The following CLASP1 variants were observed in gnomAD, a reference collection of about 807,000 sequenced individuals.
The protein encoded by CLASP1 is CLIP-associating protein 1.
Under a neutral mutation model 192.3 loss-of-function variants are expected in CLASP1, and 38 were observed. The ratio of observed to expected loss-of-function variants is 0.20; its 90% confidence interval spans 0.15 to 0.26. The LOEUF (loss-of-function observed/expected upper bound fraction) is 0.26, where lower values mean the gene tolerates loss of function less well. Ranked by LOEUF, CLASP1 falls within the 10% of genes least tolerant of loss-of-function variation. The probability of loss-of-function intolerance (pLI) is 1.00; values close to 1 mark genes in which losing one functional copy is unlikely to be tolerated. For synonymous variants in CLASP1, 691 were observed against 712.8 expected, an observed-to-expected ratio of 0.97 and a Z score of 0.49; for missense variants, 1,433 against 1,932.5, an observed-to-expected ratio of 0.74 and a Z score of 4.85.
intron 34 of CLASP1, among the ~76,000 whole-genome samples, chr2:121,371,842 C>T (rs752420490): frequency 5.3e-5 from 8 of 152,154 alleles, no homozygotes; most frequent in Admixed American, 2.0e-4. Flanking sequence ...TCTCCACTGG[C>T]CCTGCTGGGA....
intron 39 of CLASP1, among the ~76,000 whole-genome samples, chr2:121,344,688 G>T (rs1022469553): frequency 1.3e-5 from 2 of 152,104 alleles, no homozygotes; most frequent in Admixed American, 1.3e-4. Flanking sequence ...TGTAACACTG[G>T]AACACAGGGA....
intron 1 of CLASP1, among the ~76,000 whole-genome samples, chr2:121,629,411 A>T (rs1296012943): frequency 6.6e-6 from 1 of 151,998 alleles, no homozygotes; most frequent in Non-Finnish European, 1.5e-5. Context: ...TAAAAAATAA[A>T]AAATAAATAA....
chr2:121,449,330 T>C (rs2118389), intron 16 of CLASP1, among the ~76,000 whole-genome samples: 6,362 of 152,236 alleles, frequency 0.042, 169 homozygotes, highest in East Asian at 0.14. Context: ...AAGTCACTTA[T>C]CCTCTCTCAA....
rs1335225419 is a variant in CLASP1, at chr2:121,515,654, T to A, written c.644+11A>T. On this transcript the variant is annotated intron_variant, in intron 7 of 39. Transcript: ENST00000263710. ...GGGTAGAGCAGAAGAAAGGAAAAAA[T>A]CTGCACTCACCGGGACTGTGGCAAT... is the stretch of plus-strand genomic sequence containing the variant. 1 of 1,611,242 alleles carries A rather than the reference T, an allele frequency of 6.2e-7. No individual in the cohort carries two copies. Among genetic ancestry groups the A allele is most frequent in the East Asian group, 2.2e-5 (1 of 44,864 alleles).
intron 2 of CLASP1, among the ~76,000 whole-genome samples, chr2:121,566,645 T>C (rs2059529295): frequency 6.6e-6 from 1 of 152,240 alleles, no homozygotes. Flanking sequence ...CACAAGCTCA[T>C]GTCTTAAATT....
At chr2:121,624,985 T>C (rs1215817896) in intron 1 of CLASP1, among the ~76,000 whole-genome samples, 1 of 152,222 alleles carries the variant, frequency 6.6e-6, no homozygotes, top group Non-Finnish European at 1.5e-5. Flanking sequence ...TTTCCTTCTG[T>C]TATTGATATC....
At chr2:121,391,919 C>T (rs1226905397) in intron 30 of CLASP1, among the ~76,000 whole-genome samples, 1 of 152,150 alleles carries the variant, frequency 6.6e-6, no homozygotes, top group African/African-American at 2.4e-5. Flanking sequence ...ACAAAAAAGA[C>T]TTGAAAGAGA....
intron 2 of CLASP1, among the ~76,000 whole-genome samples, chr2:121,541,158 G>A (rs905644254): frequency 2.0e-5 from 3 of 152,090 alleles, no homozygotes; most frequent in Non-Finnish European, 4.4e-5. Flanking sequence ...TATCTTTCCA[G>A]AACATGAGGT....
chr2:121,594,026 C>T (rs1274749895), intron 2 of CLASP1, among the ~76,000 whole-genome samples: 4 of 151,208 alleles, frequency 2.6e-5, no homozygotes, highest in Middle Eastern at 3.4e-3. Flanking sequence ...AGGCCTGGCG[C>T]GGTGGCTCAC....
chr2:121,503,327 C>A, intron 7 of CLASP1, 93 bp from the exon 8 acceptor site: 1 of 732,394 alleles, frequency 1.4e-6, no homozygotes, highest in South Asian at 1.7e-5. Flanking sequence ...CCCCACTCCC[C>A]ATCAAAAAAA....
At chr2:121,423,697 T>C (rs2079912758) in intron 22 of CLASP1, among the ~76,000 whole-genome samples, 1 of 152,200 alleles carries the variant, frequency 6.6e-6, no homozygotes, top group African/African-American at 2.4e-5. Context: ...GCTGTGACCT[T>C]TTCTATGATT....
At chr2:121,465,146 C>T (rs2089261094) in intron 9 of CLASP1, among the ~76,000 whole-genome samples, 1 of 152,130 alleles carries the variant, frequency 6.6e-6, no homozygotes, top group East Asian at 1.9e-4. Flanking sequence ...TCCTATTCAA[C>T]ACAGTGTTAG....
chr2:121,424,899 C>A (rs1416329768), intron 22 of CLASP1, among the ~76,000 whole-genome samples: 1 of 152,132 alleles, frequency 6.6e-6, no homozygotes, highest in African/African-American at 2.4e-5. Context: ...ACAATGACTG[C>A]AAAACACAAA....
intron 1 of CLASP1, among the ~76,000 whole-genome samples, chr2:121,611,575 G>A (rs1471617429): frequency 7.0e-6 from 1 of 142,190 alleles, no homozygotes; most frequent in Non-Finnish European, 1.5e-5. Context: ...GGAGTTACAG[G>A]AGGAAGAGGA....
chr2:121,484,894 C>T (rs1358654174), intron 8 of CLASP1, among the ~76,000 whole-genome samples: 2 of 152,220 alleles, frequency 1.3e-5, no homozygotes, highest in African/African-American at 4.8e-5. Flanking sequence ...ACATTTCAGG[C>T]ACTTTACTAG....
intron 2 of CLASP1, chr2:121,530,747 G>T: frequency 3.8e-6 from 2 of 524,010 alleles, no homozygotes; most frequent in South Asian, 5.6e-5. Context: ...AAAGAATTGG[G>T]GTGTCGTCGA....
intron 8 of CLASP1, among the ~76,000 whole-genome samples, chr2:121,481,445 C>T (rs2092592108): frequency 6.6e-6 from 1 of 152,162 alleles, no homozygotes; most frequent in African/African-American, 2.4e-5. Flanking sequence ...TCCATTTCCC[C>T]TTTGTCAAGC....
At chr2:121,440,088 A>G (rs928305760) in intron 19 of CLASP1, among the ~76,000 whole-genome samples, 3 of 140,124 alleles carry the variant, frequency 2.1e-5, no homozygotes, top group Admixed American at 6.8e-5. Context: ...TATAATTAAA[A>G]AAAAAACTAA....
intron 19 of CLASP1, among the ~76,000 whole-genome samples, chr2:121,433,382 T>C (rs1011087555): frequency 6.6e-6 from 1 of 151,296 alleles, no homozygotes; most frequent in Admixed American, 6.6e-5. Context: ...ATTTTTATCA[T>C]AAATGTTTGA....
Sources: gnomAD v4.1 joint callset for allele counts (sites outside exome capture counted in the v4.1 genomes callset) on GRCh38, gnomAD v4.1.1 for gene constraint, MANE v1.5 for transcripts, NCBI Gene and HGNC (gene_info 2026-07-23, HGNC 2026-07-21) for gene names.